The following EYS variants were observed in gnomAD, a reference collection of about 807,000 sequenced individuals.
EYS encodes EGF-like photoreceptor maintenance factor, also known as protein eyes shut homolog.
A neutral mutation model predicts 282.1 loss-of-function variants in EYS; 250 were observed. That is an observed-to-expected ratio of 0.89 (90% CI 0.80 to 0.98). The LOEUF is 0.98. Among genes scored for constraint, EYS ranks in the 50% least tolerant of loss-of-function variants. The pLI is 0.00. For missense variants in EYS, 4,016 were observed against 3,709.0 expected (o/e 1.08, Z -2.15); for synonymous variants, 1,355 against 1,282.9 (o/e 1.06, Z -1.20).
At chr6:65,365,605 C>T (rs1764887161) in intron 8 of EYS, among the ~76,000 whole-genome samples, 1 of 151,612 alleles carries the variant, frequency 6.6e-6, no homozygotes, top group South Asian at 2.1e-4. Context: ...AGATCATGGC[C>T]TGTCTTCCTC....
chr6:64,596,667 T>C (rs962021058), intron 24 of EYS, among the ~76,000 whole-genome samples: 1 of 151,964 alleles, frequency 6.6e-6, no homozygotes, highest in Admixed American at 6.6e-5. Context: ...TGAAGAAAAA[T>C]AAAACTAGAC....
At chr6:64,716,449 T>A (rs951676219) in intron 22 of EYS, among the ~76,000 whole-genome samples, 1 of 152,190 alleles carries the variant, frequency 6.6e-6, no homozygotes, top group Admixed American at 6.5e-5. Flanking sequence ...ATTGGTACAC[T>A]CCTCAACCTG....
intron 35 of EYS, among the ~76,000 whole-genome samples, chr6:63,875,403 T>A (rs1357429072): frequency 6.6e-6 from 1 of 152,242 alleles, no homozygotes; most frequent in African/African-American, 2.4e-5. Flanking sequence ...TTTGCATTGA[T>A]GTTCATCAGG....
intron 13 of EYS, among the ~76,000 whole-genome samples, chr6:65,018,412 G>T (rs775647852): frequency 2.2e-4 from 34 of 152,076 alleles, no homozygotes; most frequent in Non-Finnish European, 4.3e-4. Context: ...TCACATGAAG[G>T]TCTCTCTCAA....
intron 30 of EYS, among the ~76,000 whole-genome samples, chr6:64,238,813 TA>T (rs983503355): frequency 3.3e-5 from 5 of 152,180 alleles, no homozygotes; most frequent in African/African-American, 1.2e-4. Flanking sequence ...GCAGGTTTGT[TA>T]CATAGGTATA....
chr6:64,094,732 G>GT (rs1481183329), intron 31 of EYS, among the ~76,000 whole-genome samples: 7 of 152,008 alleles, frequency 4.6e-5, no homozygotes, highest in Non-Finnish European at 7.4e-5. Flanking sequence ...TTTTTGAAGG[G>GT]TTTTTTGTGT....
intron 36 of EYS, among the ~76,000 whole-genome samples, chr6:63,863,675 C>CTTTTCTTT (rs1772597256): frequency 1.7e-5 from 1 of 60,042 alleles, no homozygotes; most frequent in Non-Finnish European, 3.5e-5. Context: ...TTTCTTTTTT[C>CTTTTCTTT]TTTTTTTTTT....
chr6:63,879,387 G>A (rs1237719946), intron 35 of EYS, among the ~76,000 whole-genome samples: 1 of 152,096 alleles, frequency 6.6e-6, no homozygotes, highest in Non-Finnish European at 1.5e-5. Context: ...AATGCTGGTT[G>A]GTGGAGAGAG....
intron 1 of EYS, among the ~76,000 whole-genome samples, chr6:65,667,946 G>C (rs1157508756): frequency 2.0e-5 from 3 of 151,854 alleles, no homozygotes; most frequent in African/African-American, 7.2e-5. Flanking sequence ...GGGGTGAGTG[G>C]TTGATATGTA....
chr6:64,284,771 T>C (rs1187056189), intron 30 of EYS, among the ~76,000 whole-genome samples: 2 of 152,178 alleles, frequency 1.3e-5, no homozygotes, highest in East Asian at 3.9e-4. Flanking sequence ...ACCTGGAAGC[T>C]GCCAAGACTT....
chr6:65,523,000 C>T (rs9445553), intron 2 of EYS, among the ~76,000 whole-genome samples: 32,169 of 151,840 alleles, frequency 0.21, 3,741 homozygotes, highest in East Asian at 0.3. Context: ...AATTTAATAT[C>T]TGATTATTTT....
At chr6:65,131,177 T>C (rs1775864551) in intron 12 of EYS, among the ~76,000 whole-genome samples, 1 of 151,844 alleles carries the variant, frequency 6.6e-6, no homozygotes, top group African/African-American at 2.4e-5. Flanking sequence ...GAGAAGTTAG[T>C]TTTATTGGAG....
intron 12 of EYS, among the ~76,000 whole-genome samples, chr6:65,062,935 C>T (rs1242679483): frequency 6.6e-6 from 1 of 151,974 alleles, no homozygotes; most frequent in African/African-American, 2.4e-5. Context: ...TTTCCTCCCA[C>T]TTGAAAATTA....
At chr6:63,835,339 A>G (rs79578227) in intron 36 of EYS, among the ~76,000 whole-genome samples, 35 of 150,950 alleles carry the variant, frequency 2.3e-4, no homozygotes, top group African/African-American at 8.3e-4. Flanking sequence ...CTCTCTCTCT[A>G]TATATATATA....
chr6:63,935,279 T>C (rs1765022853), intron 35 of EYS, among the ~76,000 whole-genome samples: 1 of 152,248 alleles, frequency 6.6e-6, no homozygotes, highest in Non-Finnish European at 1.5e-5. Context: ...CAGGATTCAT[T>C]AGACGAATGA....
intron 2 of EYS, among the ~76,000 whole-genome samples, chr6:65,559,843 T>C (rs1475710588): frequency 2.6e-5 from 4 of 151,916 alleles, no homozygotes; most frequent in African/African-American, 2.4e-5. Context: ...TTTTGATGTA[T>C]ATTTTAGCTT....
chr6:65,160,294 T>C lies in EYS; in HGVS notation c.2024-102567A>G, dbSNP rs142381648. On this transcript the variant is annotated intron_variant, in intron 12 of 42. Coordinates refer to ENST00000503581, the MANE Select transcript of EYS (RefSeq NM_001142800.2). Reference sequence around the variant, plus strand: ...AGTTCCAGATTACTGGTATAGGAAATGTATTAGAGAGACATTTTTAAATGT... The same window carrying C: ...AGTTCCAGATTACTGGTATAGGAAACGTATTAGAGAGACATTTTTAAATGT... 1.5e-4 allele frequency among the ~76,000 whole-genome samples: 22 copies of C among 151,018 alleles called. 2 individuals carry two copies. The highest frequency in any genetic ancestry group is 5.3e-4 in the African/African-American group (22 of 41,412).
chr6:64,762,581 C>A (rs1773194073), intron 22 of EYS, among the ~76,000 whole-genome samples: 1 of 152,010 alleles, frequency 6.6e-6, no homozygotes, highest in South Asian at 2.1e-4. Context: ...TGTTGTATTT[C>A]TTGCTTTCTC....
At chr6:64,687,852 G>C (rs1296312605) in intron 22 of EYS, among the ~76,000 whole-genome samples, 1 of 152,070 alleles carries the variant, frequency 6.6e-6, no homozygotes, top group Admixed American at 6.6e-5. Context: ...TCTGGTCCTG[G>C]AATTTTTTTT....
Sources: gnomAD v4.1 joint callset for allele counts (sites outside exome capture counted in the v4.1 genomes callset) on GRCh38, gnomAD v4.1.1 for gene constraint, MANE v1.5 for transcripts, NCBI Gene and HGNC (gene_info 2026-07-23, HGNC 2026-07-21) for gene names.